Variants in FLNB observed in about 807,000 individuals in gnomAD.
FLNB encodes filamin B, also known as filamin-B.
Under a neutral mutation model 250.6 loss-of-function variants are expected in FLNB, and 111 were observed. The observed-to-expected ratio is 0.44, with a 90% CI of 0.38 to 0.52. The LOEUF (loss-of-function observed/expected upper bound fraction) is 0.52. FLNB is among the 20% of genes least tolerant of loss of function. The pLI is 0.00. For synonymous variants in FLNB, 1,302 were observed against 1,372.1 expected (o/e 0.95, Z 1.13); for missense variants, 2,869 against 3,447.8 (o/e 0.83, Z 4.20).
rs763253955 is a variant in FLNB, at chr3:58,070,049, C to CTTTCT, written c.293-6994_293-6993insCTTTT. ...AGGCATTGTGCTTGACTCTTTCTTTCTTTTTTTTTTTTTTTTTGAGACAGA... is the reference window on the plus strand; with the variant it reads ...AGGCATTGTGCTTGACTCTTTCTTTCTTTCTTTTTTTTTTTTTTTTTTGAGACAGA... On this transcript the variant is annotated intron_variant, in intron 1 of 45. Transcript: ENST00000295956. Among the ~76,000 whole-genome samples, 427 of 134,974 alleles carry CTTTCT rather than the reference C, an allele frequency of 3.2e-3. 5 individuals are homozygous for CTTTCT. The highest frequency in any genetic ancestry group is 0.011 in the African/African-American group (400 of 36,334). 88.5% of individuals were successfully genotyped at this position (134,974 alleles called of 152,430 possible).
At chr3:58,128,972 T>C (rs1369402829) in intron 24 of FLNB, among the ~76,000 whole-genome samples, 2 of 152,008 alleles carry the variant, frequency 1.3e-5, no homozygotes, top group African/African-American at 2.4e-5. Flanking sequence ...AGATATTTAG[T>C]GAAGTGTTGG....
rs1385351933 is a variant in FLNB, at chr3:58,146,889, C to A, written c.5624C>A (p.Thr1875Lys). 6.2e-7 allele frequency: 1 copy of A among 1,614,178 alleles called. No homozygotes were observed. The highest frequency in any genetic ancestry group is 8.5e-7 in the Non-Finnish European group (1 of 1,180,026). Residue 1875 changes from threonine (T) to lysine (K), a missense_variant, in exon 34 of 46, where the codon ACA becomes AAA. Thr to Lys is a moderately conservative substitution (Grantham distance 78). Coordinates refer to ENST00000295956, the MANE Select transcript of FLNB (RefSeq NM_001457.4). ...EISCIDNKDG[T>K]CTVTYLPTLP... ...AGCTGCATTGACAATAAAGATGGGACATGCACAGTGACCTACCTGCCGACT... is the reference window on the plus strand; with the variant it reads ...AGCTGCATTGACAATAAAGATGGGAAATGCACAGTGACCTACCTGCCGACT...
At chr3:58,104,323 C>T (rs947155136) in intron 10 of FLNB, among the ~76,000 whole-genome samples, 1 of 151,396 alleles carries the variant, frequency 6.6e-6, no homozygotes, top group Non-Finnish European at 1.5e-5. Flanking sequence ...TGGTGGGAGG[C>T]AGGGGAGGCA....
intron 1 of FLNB, among the ~76,000 whole-genome samples, chr3:58,055,402 G>A (rs537287089): frequency 1.3e-4 from 20 of 152,194 alleles, no homozygotes; most frequent in Non-Finnish European, 1.8e-4. Context: ...AGGATAACTC[G>A]TGGTGGTGGG....
intron 1 of FLNB, among the ~76,000 whole-genome samples, chr3:58,016,123 G>A (rs1440574771): frequency 1.3e-5 from 2 of 151,652 alleles, no homozygotes; most frequent in East Asian, 3.9e-4. Flanking sequence ...ACAGTGGCAT[G>A]ATCTCGGCTC....
At chr3:58,137,058 G>A (rs2097317444) in intron 28 of FLNB, among the ~76,000 whole-genome samples, 1 of 152,178 alleles carries the variant, frequency 6.6e-6, no homozygotes, top group Admixed American at 6.5e-5. Context: ...GGGCAGCTCA[G>A]TGCTGCTGCT....
At chr3:58,015,728 G>T (rs773960675) in intron 1 of FLNB, among the ~76,000 whole-genome samples, 3 of 152,088 alleles carry the variant, frequency 2.0e-5, no homozygotes, top group Non-Finnish European at 2.9e-5. Flanking sequence ...TGCGTTTCCA[G>T]TCAGCTTCAG....
intron 42 of FLNB, among the ~76,000 whole-genome samples, chr3:58,161,232 G>C (rs1254698824): frequency 6.6e-6 from 1 of 152,174 alleles, no homozygotes. Context: ...GAGTGAGAGA[G>C]AGAATCCATT....
At chr3:58,146,626 T>G in intron 33 of FLNB, 194 bp from the exon 34 acceptor site, 1 of 606,454 alleles carries the variant, frequency 1.6e-6, no homozygotes, top group Non-Finnish European at 3.0e-6. Context: ...ATGTTTGGGG[T>G]TTCTTCTCAG....
At chr3:58,025,810 C>T (rs1422232129) in intron 1 of FLNB, among the ~76,000 whole-genome samples, 2 of 152,166 alleles carry the variant, frequency 1.3e-5, no homozygotes, top group Non-Finnish European at 2.9e-5. Flanking sequence ...CCTTTAATTC[C>T]AGCTACTTGG....
rs944789963 is a variant in FLNB, at chr3:58,148,624, A to C, written c.5888-25A>C. On this transcript the variant is annotated intron_variant, in intron 35 of 45. Coordinates refer to ENST00000295956, the MANE Select transcript of FLNB (RefSeq NM_001457.4). Reference sequence around the variant, plus strand: ...GCTTCCTCTCCGCCATCCCCTTACAAGCCCCAATCTGTGTTCTGGTCCAGG... The same window carrying C: ...GCTTCCTCTCCGCCATCCCCTTACACGCCCCAATCTGTGTTCTGGTCCAGG... 3 of 1,600,760 alleles carry C rather than the reference A, an allele frequency of 1.9e-6. No individual in the cohort carries two copies. The African/African-American group carries it at 4.0e-5, about 21-fold the overall frequency.
intron 4 of FLNB, 82 bp from the exon 5 acceptor site, chr3:58,094,754 T>C (rs1040481008): frequency 3.6e-5 from 42 of 1,159,874 alleles, no homozygotes; most frequent in South Asian, 7.3e-5. Flanking sequence ...CATCTCTCAG[T>C]TCCCTGAAAG....
At position 58,109,225 on chromosome 3, in the gene FLNB, A is replaced by G. The variant is rs2107117925; in HGVS notation, c.2102A>G (p.Asp701Gly). The G allele has an allele frequency of 6.2e-7, 1 of 1,614,224 alleles. No homozygotes were observed. Among genetic ancestry groups the G allele is most frequent in the East Asian group, 2.2e-5 (1 of 44,872 alleles). ...GACATCCAGATGAAGAACCGGATGG[A>G]CGGCACATATGCATGCTCATACACC... ...RIDIQMKNRM[D>G]GTYACSYTPV... The change falls in exon 14 of 46, where the codon GAC (aspartate) becomes GGC (glycine). Residue 701 changes from aspartate (D) to glycine (G), a missense_variant. Physicochemically the swap from Asp to Gly is moderately conservative, Grantham distance 94. This residue lies in a region of FLNB where 1,348 missense variants were observed against 1,466.7 expected (regional missense o/e 0.92). Coordinates refer to ENST00000295956, the MANE Select transcript of FLNB (RefSeq NM_001457.4).
chr3:58,067,579 T>TG (rs1310082397), intron 1 of FLNB, among the ~76,000 whole-genome samples: 3 of 117,970 alleles, frequency 2.5e-5, no homozygotes, highest in African/African-American at 3.7e-5. Flanking sequence ...GAGGTTTTTT[T>TG]TGTTTGTTTT....
chr3:58,048,093 C>G (rs895560388), intron 1 of FLNB, among the ~76,000 whole-genome samples: 1 of 152,050 alleles, frequency 6.6e-6, no homozygotes, highest in African/African-American at 2.4e-5. Context: ...CCCAAGTGTC[C>G]TTTATGACAG....
rs139538264 is a variant in FLNB at position 58,132,188 on chromosome 3, G to T, written c.4391-620G>T. 263 of 614,518 alleles carry T rather than the reference G, an allele frequency of 4.3e-4. No individual in the cohort carries two copies. The highest frequency in any genetic ancestry group is 4.1e-3 in the African/African-American group (224 of 54,226). 38.1% of individuals were successfully genotyped at this position (614,518 alleles called of 1,614,324 possible). The stretch of plus-strand genomic sequence containing the variant: ...CCTTGACTGTCACGTTGGAAGCTGG[G>T]ATCTGGACTCTGCAACCCAACGCGT... On this transcript the variant is annotated intron_variant, in intron 25 of 45. Transcript: ENST00000295956.
chr3:58,111,955 T>C, intron 17 of FLNB, 74 bp downstream of exon 17: 1 of 1,310,824 alleles, frequency 7.6e-7, no homozygotes, highest in South Asian at 1.2e-5. Flanking sequence ...ATCCACGGCC[T>C]TGAGGAACTT....
chr3:58,076,328 G>T (rs1027089150), intron 1 of FLNB, among the ~76,000 whole-genome samples: 1 of 151,672 alleles, frequency 6.6e-6, no homozygotes, highest in Non-Finnish European at 1.5e-5. Context: ...AAACACACAT[G>T]CATGTATACA....
intron 4 of FLNB, among the ~76,000 whole-genome samples, chr3:58,082,055 C>T (rs879942558): frequency 7.9e-5 from 12 of 152,042 alleles, no homozygotes; most frequent in Non-Finnish European, 1.6e-4. Flanking sequence ...AGAGGAATCG[C>T]GGGGTAGGGA....
Sources: allele counts gnomAD v4.1 joint callset (sites outside exome capture counted in the v4.1 genomes callset), GRCh38; gene constraint gnomAD v4.1.1; regional missense constraint gnomAD v4.1.1; transcripts MANE v1.5; gene names NCBI Gene and HGNC (gene_info 2026-07-23, HGNC 2026-07-21).